Variants in PRKAR1A observed in about 807,000 individuals in gnomAD.
The protein encoded by PRKAR1A is protein kinase cAMP-dependent type I regulatory subunit alpha, also known as cAMP-dependent protein kinase type I-alpha regulatory subunit.
Under a neutral mutation model 52.0 loss-of-function variants are expected in PRKAR1A, and 3 were observed. The ratio of observed to expected loss-of-function variants is 0.06; its 90% CI spans 0.03 to 0.15. PRKAR1A has a LOEUF of 0.15. PRKAR1A is among the 10% of genes least tolerant of loss of function. The pLI is 1.00. For synonymous variants in PRKAR1A, 188 were observed against 168.4 expected, an observed-to-expected ratio of 1.12 and a Z score of -0.90; for missense variants, 240 against 477.4, an observed-to-expected ratio of 0.50 and a Z score of 4.63.
the PRKAR1A span, among the ~76,000 whole-genome samples, chr17:68,432,610 C>T: frequency 0.18 from 27,541 of 151,964 alleles, 2,762 homozygotes; most frequent in South Asian, 0.29. Context: ...TGATAAGGTG[C>T]CCGGCCTCTG....
chr17:68,439,814 A>G, the PRKAR1A span, among the ~76,000 whole-genome samples: 1 of 152,150 alleles, frequency 6.6e-6, no homozygotes, highest in African/African-American at 2.4e-5. Flanking sequence ...CTACCGTGAT[A>G]TAGAGGTCTT....
chr17:68,528,583 G>C (rs1466127423), intron 8 of PRKAR1A: 5 of 398,180 alleles, frequency 1.3e-5, no homozygotes, highest in Non-Finnish European at 1.8e-5. Flanking sequence ...GCAATCTTCA[G>C]GAATACTTAA....
the PRKAR1A span, chr17:68,420,085 A>T: frequency 1.5e-6 from 2 of 1,313,626 alleles, no homozygotes; most frequent in African/African-American, 1.5e-5. Context: ...ACATTTGGTT[A>T]TCTGGTATGT....
At chr17:68,450,625 A>G in the PRKAR1A span, 2 of 1,428,854 alleles carry the variant, frequency 1.4e-6, no homozygotes, top group East Asian at 2.3e-5. Context: ...TCTCATTAGA[A>G]TTGGAAGCTT....
At chr17:68,421,904 G>T in the PRKAR1A span, 1 of 1,558,238 alleles carries the variant, frequency 6.4e-7, no homozygotes, top group Non-Finnish European at 8.8e-7. Context: ...CTGTGCCCAT[G>T]CAGAGTGAGC....
the PRKAR1A span, among the ~76,000 whole-genome samples, chr17:68,504,621 G>C: frequency 6.6e-6 from 1 of 152,148 alleles, no homozygotes; most frequent in Admixed American, 6.6e-5. Flanking sequence ...ACTTATTTGT[G>C]GGAGCTAAAA....
At chr17:68,434,343 C>G in the PRKAR1A span, among the ~76,000 whole-genome samples, 3 of 152,190 alleles carry the variant, frequency 2.0e-5, no homozygotes, top group African/African-American at 4.8e-5. Context: ...AAGGGACTCT[C>G]ACGGCTGAAC....
At chr17:68,485,953 G>T in the PRKAR1A span, among the ~76,000 whole-genome samples, 65 of 152,068 alleles carry the variant, frequency 4.3e-4, no homozygotes, top group Non-Finnish European at 7.6e-4. Context: ...TGATCAGGCT[G>T]GTCTCCAAGT....
At chr17:68,490,933 T>C in the PRKAR1A span, among the ~76,000 whole-genome samples, 1 of 152,130 alleles carries the variant, frequency 6.6e-6, no homozygotes, top group Non-Finnish European at 1.5e-5. Context: ...ACCTCTAACC[T>C]TGCCTTCATC....
chr17:68,445,712 T>C, the PRKAR1A span, among the ~76,000 whole-genome samples: 1 of 152,196 alleles, frequency 6.6e-6, no homozygotes, highest in Non-Finnish European at 1.5e-5. Context: ...TTTAAAGGAA[T>C]ATAACGCATA....
the PRKAR1A span, chr17:68,450,620 T>G: frequency 7.1e-7 from 1 of 1,400,622 alleles, no homozygotes; most frequent in Non-Finnish European, 9.7e-7. Flanking sequence ...AACATTCTCA[T>G]TAGAATTGGA....
the PRKAR1A span, among the ~76,000 whole-genome samples, chr17:68,425,550 C>T: frequency 1.8e-4 from 28 of 152,034 alleles, no homozygotes; most frequent in African/African-American, 6.7e-4. Context: ...TCTGCAACTG[C>T]TGGGGAGGTG....
At chr17:68,423,014 GA>G in the PRKAR1A span, among the ~76,000 whole-genome samples, 1 of 152,172 alleles carries the variant, frequency 6.6e-6, no homozygotes, top group African/African-American at 2.4e-5. The surrounding 1 kb of genome is among the most constrained non-coding windows in gnomAD (Gnocchi z 4.4). Context: ...GTTCTGAAAA[GA>G]TCACTAGTGA....
intron 11 of PRKAR1A, chr17:68,541,063 T>G: frequency 1.3e-6 from 2 of 1,507,146 alleles, no homozygotes; most frequent in Non-Finnish European, 1.8e-6. Flanking sequence ...TCCCTGATCC[T>G]GCCCTGGGCT....
At chr17:68,539,034 C>G (rs1192945256) in intron 11 of PRKAR1A, among the ~76,000 whole-genome samples, 1 of 152,152 alleles carries the variant, frequency 6.6e-6, no homozygotes, top group Non-Finnish European at 1.5e-5. Context: ...TTGTAGGCTA[C>G]AAAACCTTTA....
chr17:68,430,984 G>A, the PRKAR1A span, among the ~76,000 whole-genome samples: 1 of 152,084 alleles, frequency 6.6e-6, no homozygotes, highest in Non-Finnish European at 1.5e-5. Context: ...AAACCTCTCT[G>A]GGCCTTCATG....
chr17:68,452,923 T>G, the PRKAR1A span: 1 of 1,614,000 alleles, frequency 6.2e-7, no homozygotes, highest in African/African-American at 1.3e-5. Flanking sequence ...TTCCGTGGAC[T>G]TGATCCAGCT....
chr17:68,528,023 G>A, intron 8 of PRKAR1A, 123 bp downstream of exon 8: 1 of 838,712 alleles, frequency 1.2e-6, no homozygotes, highest in Non-Finnish European at 2.0e-6. Flanking sequence ...AAGACAGAAG[G>A]GCTGAAAGTC....
At chr17:68,465,455 A>G in the PRKAR1A span, among the ~76,000 whole-genome samples, 1 of 150,466 alleles carries the variant, frequency 6.6e-6, no homozygotes, top group Non-Finnish European at 1.5e-5. Context: ...TCAGCTTTCT[A>G]TTATTATTAT....
Sources: allele counts gnomAD v4.1 joint callset (sites outside exome capture counted in the v4.1 genomes callset), GRCh38; gene constraint gnomAD v4.1.1; non-coding constraint Gnocchi (gnomAD v3.1); transcripts MANE v1.5; gene names NCBI Gene and HGNC (gene_info 2026-07-23, HGNC 2026-07-21).